The following NTRK3 variants were observed in gnomAD, a reference collection of about 807,000 sequenced individuals.
NTRK3 encodes neurotrophic receptor tyrosine kinase 3.
NTRK3 carries 24 observed loss-of-function variants against 91.7 expected under a neutral mutation model. The observed-to-expected ratio is 0.26, with a 90% CI of 0.19 to 0.37. NTRK3 has a LOEUF of 0.37. Among genes scored for constraint, NTRK3 ranks in the 10% least tolerant of loss-of-function variants. NTRK3 has a pLI of 1.00. For synonymous variants in NTRK3, 483 were observed against 404.0 expected (o/e 1.20, Z -2.34); for missense variants, 880 against 1,068.9 (o/e 0.82, Z 2.46).
intron 14 of NTRK3, among the ~76,000 whole-genome samples, chr15:88,013,676 C>T (rs1486627415): frequency 2.0e-5 from 3 of 152,204 alleles, no homozygotes; most frequent in African/African-American, 7.2e-5. Context: ...GTGCAGACAA[C>T]ATTTCAGATC....
chr15:87,919,625 G>A (rs964506778), intron 17 of NTRK3, among the ~76,000 whole-genome samples: 1 of 152,294 alleles, frequency 6.6e-6, no homozygotes, highest in East Asian at 1.9e-4. Flanking sequence ...GCAATAATTA[G>A]ATAATCCTCA....
intron 10 of NTRK3, among the ~76,000 whole-genome samples, chr15:88,129,269 G>C (rs2053587561): frequency 6.6e-6 from 1 of 152,194 alleles, no homozygotes. Flanking sequence ...TTGGTCTCTA[G>C]AAATAGCTCA....
At chr15:88,093,777 G>T (rs1053270758) in intron 13 of NTRK3, among the ~76,000 whole-genome samples, 2 of 151,870 alleles carry the variant, frequency 1.3e-5, no homozygotes, top group Non-Finnish European at 1.5e-5. Flanking sequence ...CTCTCTGTGG[G>T]CCTCAAGCAG....
At chr15:87,965,223 G>T (rs2072679345) in intron 14 of NTRK3, among the ~76,000 whole-genome samples, 1 of 152,220 alleles carries the variant, frequency 6.6e-6, no homozygotes, top group African/African-American at 2.4e-5. Context: ...ATGTGTTTGT[G>T]TGCTTTTCTG....
chr15:88,024,126 T>G (rs1476824996), intron 14 of NTRK3, among the ~76,000 whole-genome samples: 1 of 152,218 alleles, frequency 6.6e-6, no homozygotes, highest in African/African-American at 2.4e-5. Flanking sequence ...GGGCAATTCC[T>G]CTTCCAGAAA....
rs554896308 is a variant in NTRK3 at position 88,032,037 on chromosome 15, T to C, written c.1585+820A>G. ...CAGGCAGGCATGGGTGTCCCTGTTC[T>C]CCAGGAGCTGCTGTGCTCTCTCTTG... On this transcript the variant is annotated intron_variant, in intron 14 of 18. Transcript: ENST00000394480. Among the ~76,000 whole-genome samples the C allele has an allele frequency of 3.9e-5, 6 of 152,242 alleles. No individual in the cohort carries two copies. The South Asian group carries it at 1.2e-3, about 32-fold the overall frequency.
chr15:88,239,341 G>A (rs970490731), intron 3 of NTRK3, among the ~76,000 whole-genome samples: 14 of 152,216 alleles, frequency 9.2e-5, no homozygotes, highest in African/African-American at 3.1e-4. Flanking sequence ...AAGAGGAGCT[G>A]CAGCCTGAAC....
chr15:88,056,710 C>A (rs2045725691), intron 13 of NTRK3, among the ~76,000 whole-genome samples: 1 of 152,226 alleles, frequency 6.6e-6, no homozygotes, highest in Admixed American at 6.5e-5. Flanking sequence ...GGCAAGATAG[C>A]CTGTCCGGAA....
intron 13 of NTRK3, among the ~76,000 whole-genome samples, chr15:88,078,294 G>A (rs903167005): frequency 3.3e-5 from 5 of 152,274 alleles, no homozygotes; most frequent in African/African-American, 9.6e-5. Flanking sequence ...CCTTATTGGC[G>A]AAGAAGCACA....
chr15:87,884,051 T>C (rs1055590449), intron 17 of NTRK3, among the ~76,000 whole-genome samples: 1 of 138,708 alleles, frequency 7.2e-6, no homozygotes, highest in African/African-American at 2.6e-5. Context: ...AAATAAACAA[T>C]AAAATAAAAT....
At chr15:88,073,467 C>G (rs1280688303) in intron 13 of NTRK3, among the ~76,000 whole-genome samples, 1 of 152,120 alleles carries the variant, frequency 6.6e-6, no homozygotes, top group Non-Finnish European at 1.5e-5. Flanking sequence ...GGTGTTGTCA[C>G]AAGCCTTTCA....
intron 18 of NTRK3, among the ~76,000 whole-genome samples, chr15:87,879,244 G>C (rs1035588656): frequency 2.0e-5 from 3 of 152,126 alleles, no homozygotes; most frequent in Non-Finnish European, 4.4e-5. Context: ...ATTCAAATAA[G>C]ATTTCAATAC....
intron 18 of NTRK3, among the ~76,000 whole-genome samples, chr15:87,879,027 T>C (rs111446672): frequency 1.3e-5 from 2 of 152,090 alleles, no homozygotes; most frequent in Non-Finnish European, 2.9e-5. Context: ...CTAGTATATA[T>C]ACTTTCATTA....
intron 17 of NTRK3, among the ~76,000 whole-genome samples, chr15:87,908,165 C>T (rs1206068529): frequency 1.3e-5 from 2 of 152,220 alleles, no homozygotes; most frequent in Non-Finnish European, 2.9e-5. Context: ...CCTTCAGCCT[C>T]CACCACACGC....
intron 17 of NTRK3, among the ~76,000 whole-genome samples, chr15:87,888,280 G>T (rs1211699792): frequency 2.0e-5 from 3 of 152,038 alleles, no homozygotes; most frequent in African/African-American, 7.3e-5. Context: ...GACCACTCCT[G>T]GTACACTACG....
chr15:87,948,627 G>A (rs1268602396), intron 14 of NTRK3, among the ~76,000 whole-genome samples: 1 of 152,248 alleles, frequency 6.6e-6, no homozygotes, highest in Non-Finnish European at 1.5e-5. Context: ...GGCGGAGATT[G>A]TGGTGAGCTG....
chr15:87,981,233 C>T (rs745589797), intron 14 of NTRK3: 1 of 1,585,860 alleles, frequency 6.3e-7, no homozygotes, highest in Non-Finnish European at 8.6e-7. Flanking sequence ...CACCATGTGA[C>T]CTTGGGTAAG....
intron 6 of NTRK3, 24 bp downstream of exon 6, chr15:88,147,311 G>A (rs770918800): frequency 1.3e-5 from 21 of 1,608,756 alleles, no homozygotes; most frequent in Non-Finnish European, 1.8e-5. Context: ...TCAGTACCTG[G>A]ACAGTCTTCA....
chr15:88,013,813 G>A (rs1226586511), intron 14 of NTRK3, among the ~76,000 whole-genome samples: 10 of 152,092 alleles, frequency 6.6e-5, no homozygotes, highest in East Asian at 1.9e-4. Context: ...GTGGTGGTGC[G>A]CCTGTAGTCT....
Sources: gnomAD v4.1 joint callset for allele counts (sites outside exome capture counted in the v4.1 genomes callset) on GRCh38, gnomAD v4.1.1 for gene constraint, MANE v1.5 for transcripts, NCBI Gene and HGNC (gene_info 2026-07-23, HGNC 2026-07-21) for gene names.